UBOX5: variants seen among roughly 807,000 people sequenced by gnomAD.
UBOX5 encodes U-box domain containing 5, also known as RING finger protein 37.
In UBOX5, 28 loss-of-function variants were observed where a neutral mutation model predicts 39.0. That is an observed-to-expected ratio of 0.72 (90% CI 0.53 to 0.98). UBOX5 has a LOEUF of 0.98. Among genes scored for constraint, UBOX5 ranks in the 50% least tolerant of loss-of-function variants. The probability of loss-of-function intolerance (pLI) is 0.00; values close to 1 mark genes in which losing one functional copy is unlikely to be tolerated. For missense variants in UBOX5, 585 were observed against 674.4 expected (o/e 0.87, Z 1.47); for synonymous variants, 283 against 275.5 (o/e 1.03, Z -0.27).
chr20:3,146,916 T>C, intron 1 of UBOX5: 3 of 1,614,206 alleles, frequency 1.9e-6, no homozygotes, highest in Non-Finnish European at 1.7e-6. Flanking sequence ...CTCTTCATAT[T>C]GTGCAGTCCA....
chr20:3,112,060 G>A (rs1031878055), intron 4 of UBOX5, among the ~76,000 whole-genome samples: 10 of 151,884 alleles, frequency 6.6e-5, no homozygotes, highest in African/African-American at 2.4e-4. Context: ...TAAAAGTACC[G>A]GGTGCCTCTC....
At chr20:3,145,160 C>T (rs1437255359) in intron 1 of UBOX5, among the ~76,000 whole-genome samples, 3 of 143,688 alleles carry the variant, frequency 2.1e-5, no homozygotes, top group Admixed American at 7.0e-5. Context: ...CTTTGAGAGC[C>T]TTTTTTTTTT....
At chr20:3,120,279 G>A (rs1186657819) in intron 3 of UBOX5, among the ~76,000 whole-genome samples, 9 of 149,642 alleles carry the variant, frequency 6.0e-5, no homozygotes, top group East Asian at 2.0e-4. Context: ...CCTGGGAGGC[G>A]GAGGTTGCAG....
Position 3,107,792 on chromosome 20 carries a change from G to A in UBOX5, c.*2314C>T, listed in dbSNP as rs1309929150. On this transcript the variant is annotated 3_prime_UTR_variant, in exon 5 of 5. Transcript: ENST00000217173. This position sits in a 1 kb window ranked among gnomAD's most constrained non-coding sequence, Gnocchi z 5.0. ...CCAGGCTGGATTTTCCACCAGAGCA[G>A]TCTTGGGGGCAGGAGCCTGTTAGAA... The A allele has an allele frequency of 6.6e-6, 1 of 152,272 alleles. No homozygotes were observed. Among genetic ancestry groups the A allele is most frequent in the African/African-American group, 2.4e-5 (1 of 41,436 alleles). The allele number at this position is 152,272 out of a possible 1,614,324, so 9.4% of individuals were successfully genotyped here.
intron 2 of UBOX5, 21 bp from the exon 3 acceptor site, chr20:3,122,605 A>G: frequency 6.5e-7 from 1 of 1,535,684 alleles, no homozygotes; most frequent in Non-Finnish European, 8.7e-7. Context: ...TAAAAAACAC[A>G]AGATACAATG....
intron 1 of UBOX5, among the ~76,000 whole-genome samples, chr20:3,139,929 C>T (rs1335084815): frequency 2.0e-5 from 3 of 151,530 alleles, no homozygotes; most frequent in South Asian, 2.1e-4. Context: ...AGGCTGGTCT[C>T]GAACTCCTGA....
chr20:3,115,098 T>C (rs945721459), intron 4 of UBOX5, among the ~76,000 whole-genome samples: 1 of 152,168 alleles, frequency 6.6e-6, no homozygotes, highest in Non-Finnish European at 1.5e-5. Flanking sequence ...AAAGCCTTTC[T>C]TGTGGGGAGT....
chr20:3,118,420 C>A (rs1173239154), intron 3 of UBOX5, among the ~76,000 whole-genome samples: 2 of 150,554 alleles, frequency 1.3e-5, no homozygotes, highest in Admixed American at 6.6e-5. Context: ...TGCAGTGAGC[C>A]AAGATTGTGC....
intron 1 of UBOX5, among the ~76,000 whole-genome samples, chr20:3,136,703 T>A (rs1409683233): frequency 3.3e-5 from 5 of 151,722 alleles, no homozygotes; most frequent in Non-Finnish European, 5.9e-5. Context: ...TTGCCCAGGC[T>A]GGAGTGCAGT....
chr20:3,146,732 G>C (rs749139656), intron 1 of UBOX5: 1 of 1,583,794 alleles, frequency 6.3e-7, no homozygotes. Flanking sequence ...ACCTGGTACA[G>C]TATACACCTA....
chr20:3,143,241 CTAAGG>C (rs1445367671), intron 1 of UBOX5, among the ~76,000 whole-genome samples: 1 of 150,748 alleles, frequency 6.6e-6, no homozygotes, highest in East Asian at 2.0e-4. Flanking sequence ...TCCTGAGTTG[CTAAGG>C]TGTGTGCCAC....
intron 4 of UBOX5, among the ~76,000 whole-genome samples, chr20:3,113,355 G>A (rs1166725187): frequency 6.6e-6 from 1 of 151,870 alleles, no homozygotes; most frequent in African/African-American, 2.4e-5. Flanking sequence ...GACTGCAGAG[G>A]AGGAGACATG....
chr20:3,122,776 C>A (rs2066348693), intron 2 of UBOX5, among the ~76,000 whole-genome samples, 192 bp from the exon 3 acceptor site: 1 of 152,128 alleles, frequency 6.6e-6, no homozygotes, highest in African/African-American at 2.4e-5. Flanking sequence ...CCAAGTATTG[C>A]CCAACCTTAA....
chr20:3,113,316 A>C (rs1344073090), intron 4 of UBOX5, among the ~76,000 whole-genome samples: 2 of 151,264 alleles, frequency 1.3e-5, no homozygotes, highest in Non-Finnish European at 2.9e-5. Flanking sequence ...AAAAAAAAAA[A>C]AGACACAGTG....
At chr20:3,147,072 C>T in intron 1 of UBOX5, 2 of 1,614,166 alleles carry the variant, frequency 1.2e-6, no homozygotes, top group South Asian at 2.2e-5. Flanking sequence ...CAAAGGAAGC[C>T]CCCCAGAGGT....
Position 3,121,660 on chromosome 20 carries a change from G to C in UBOX5, c.979C>G (p.Arg327Gly), listed in dbSNP as rs775813792. Residue 327 changes from arginine (R) to glycine (G), a missense_variant, in exon 3 of 5, where the codon CGG becomes GGG. Physicochemically the swap from Arg to Gly is moderately radical, Grantham distance 125 (BLOSUM62 -2). Transcript: ENST00000217173. ...TGCTGGAGCAGGAAATGGTCAATCC[G>C]GGCCTTGAGGGAGGGGTGAGGCAGG... ...QPLPHPSLKA[R>G]IDHFLLQHSI... The C allele has an allele frequency of 6.2e-7, 1 of 1,613,608 alleles. No individual in the cohort carries two copies. The highest frequency in any genetic ancestry group is 8.5e-7 in the Non-Finnish European group (1 of 1,179,866).
chr20:3,134,803 T>C (rs1306615414), intron 1 of UBOX5, among the ~76,000 whole-genome samples: 1 of 151,796 alleles, frequency 6.6e-6, no homozygotes, highest in Non-Finnish European at 1.5e-5. Flanking sequence ...AGGTGGAGGT[T>C]GCACTTGGCC....
At chr20:3,124,856 G>A (rs2066367230) in intron 1 of UBOX5, among the ~76,000 whole-genome samples, 2 of 149,396 alleles carry the variant, frequency 1.3e-5, no homozygotes, top group South Asian at 2.1e-4. Flanking sequence ...TGCCCCTTCT[G>A]AGAAGTGAGG....
intron 1 of UBOX5, chr20:3,146,744 A>C: frequency 6.3e-7 from 1 of 1,595,092 alleles, no homozygotes; most frequent in Non-Finnish European, 8.5e-7. Flanking sequence ...ATACACCTAT[A>C]GCTTTGCCAT....
Sources: gnomAD v4.1 joint callset for allele counts (sites outside exome capture counted in the v4.1 genomes callset) on GRCh38, gnomAD v4.1.1 for gene constraint, Gnocchi (gnomAD v3.1) non-coding constraint, MANE v1.5 for transcripts, NCBI Gene and HGNC (gene_info 2026-07-23, HGNC 2026-07-21) for gene names.